The following METTL25 variants were observed in gnomAD, a reference collection of about 807,000 sequenced individuals.
METTL25 encodes probable methyltransferase-like protein 25.
A neutral mutation model predicts 71.6 loss-of-function variants in METTL25; 64 were observed. The ratio of observed to expected loss-of-function variants is 0.89; its 90% CI spans 0.73 to 1.10. The LOEUF is 1.10. METTL25 is among the 50% of genes least tolerant of loss of function. The pLI is 0.00. For synonymous variants in METTL25, 287 were observed against 250.3 expected (o/e 1.15, Z -1.38); for missense variants, 807 against 707.0 (o/e 1.14, Z -1.60).
rs919037121 is a variant in METTL25 at position 82,370,876 on chromosome 12, C to T, written c.259+12052C>T. ...CGCTTATGCTGCTGTTCTCCTCTCT[C>T]CTTCTTCTTTTTGATGGCTTCAGCT... On this transcript the variant is annotated intron_variant, in intron 1 of 11. Transcript: ENST00000248306. Among the ~76,000 whole-genome samples the T allele has an allele frequency of 9.9e-5, 15 of 152,262 alleles. No individual in the cohort carries two copies. In the South Asian group the frequency reaches 2.9e-3, roughly 29 times the overall value.
At chr12:82,398,310 T>C (rs896372952) in intron 3 of METTL25, among the ~76,000 whole-genome samples, 2 of 151,838 alleles carry the variant, frequency 1.3e-5, no homozygotes, top group Admixed American at 6.6e-5. Context: ...TCTCAAACTC[T>C]TGGCCTCAAG....
At chr12:82,407,206 A>G (rs1413663166) in intron 5 of METTL25, among the ~76,000 whole-genome samples, 2 of 152,124 alleles carry the variant, frequency 1.3e-5, no homozygotes, top group East Asian at 1.9e-4. Flanking sequence ...TAAGGAAATT[A>G]GTTGAAGAGA....
At chr12:82,438,308 T>C (rs1890066927) in intron 7 of METTL25, among the ~76,000 whole-genome samples, 1 of 151,674 alleles carries the variant, frequency 6.6e-6, no homozygotes, top group African/African-American at 2.4e-5. Flanking sequence ...TGTTATTATC[T>C]TTATTCCACC....
At chr12:82,392,486 A>C (rs1481079694) in intron 3 of METTL25, among the ~76,000 whole-genome samples, 1 of 151,912 alleles carries the variant, frequency 6.6e-6, no homozygotes, top group Non-Finnish European at 1.5e-5. Flanking sequence ...ATTTGCTTTT[A>C]TTCCATTGAG....
At position 82,478,994 on chromosome 12, in the gene METTL25, T is replaced by C; in HGVS notation, c.1782T>C (p.Tyr594=). Residue 594 remains tyrosine, a synonymous_variant, in exon 12 of 12, where the codon TAT becomes TAC. Coordinates refer to ENST00000248306, the MANE Select transcript of METTL25 (RefSeq NM_032230.3). ...ATCCCGTGAAATCTCCCAGATGTTA[T>C]GCTGTTATTGCCCTGAAGAAGCAGC... ...LFDPVKSPRC[Y]AVIALKKQQ The C allele has an allele frequency of 6.2e-7, 1 of 1,612,850 alleles. No homozygotes were observed. The highest frequency in any genetic ancestry group is 8.5e-7 in the Non-Finnish European group (1 of 1,179,092).
intron 1 of METTL25, among the ~76,000 whole-genome samples, chr12:82,369,887 G>A (rs1883023757): frequency 6.6e-6 from 1 of 152,146 alleles, no homozygotes; most frequent in South Asian, 2.1e-4. Context: ...GCTAGATACA[G>A]AGTGCTGATT....
intron 9 of METTL25, among the ~76,000 whole-genome samples, chr12:82,463,901 T>G (rs543990660): frequency 6.6e-6 from 1 of 152,136 alleles, no homozygotes; most frequent in South Asian, 2.1e-4. Flanking sequence ...GAAATATCAG[T>G]GCAGATTATT....
chr12:82,393,138 T>C (rs1178263159), intron 3 of METTL25, among the ~76,000 whole-genome samples: 1 of 152,034 alleles, frequency 6.6e-6, no homozygotes, highest in African/African-American at 2.4e-5. Context: ...ACATAAATTT[T>C]AGGATTTTTT....
chr12:82,474,329 G>C (rs1467531325), intron 9 of METTL25, among the ~76,000 whole-genome samples: 1 of 152,146 alleles, frequency 6.6e-6, no homozygotes, highest in Non-Finnish European at 1.5e-5. Flanking sequence ...AATCACCACA[G>C]GTGCATCTGC....
chr12:82,359,302 G>GC (rs55878307), intron 1 of METTL25, among the ~76,000 whole-genome samples: 151,774 of 152,280 alleles, frequency 1, 75,637 homozygotes, highest in Middle Eastern at 1. Context: ...GAAGGCACTA[G>GC]CTGCAGAGCC....
intron 11 of METTL25, among the ~76,000 whole-genome samples, 164 bp downstream of exon 11, chr12:82,477,516 T>C (rs1356313438): frequency 2.0e-5 from 3 of 151,798 alleles, no homozygotes; most frequent in African/African-American, 4.8e-5. Context: ...TTTAAACATA[T>C]AAACATATGT....
At position 82,437,708 on chromosome 12, in the gene METTL25, C is replaced by G. The variant is rs1272963836; in HGVS notation, c.1405-1010C>G. Among the ~76,000 whole-genome samples, 24 of 151,648 alleles carry G rather than the reference C, an allele frequency of 1.6e-4. No homozygotes were observed. The Admixed American group carries it at 1.6e-3, about 10-fold the overall frequency. ...TAATAAAAGTTACAAAAGGATAACTCCATGGATATACACGTTTTACTGAAT... is the reference window on the plus strand; with the variant it reads ...TAATAAAAGTTACAAAAGGATAACTGCATGGATATACACGTTTTACTGAAT... On this transcript the variant is annotated intron_variant, in intron 7 of 11. Transcript: ENST00000248306.
intron 1 of METTL25, among the ~76,000 whole-genome samples, chr12:82,359,147 A>G (rs781719866): frequency 3.3e-5 from 5 of 152,256 alleles, no homozygotes; most frequent in African/African-American, 7.2e-5. Flanking sequence ...CACAGGTTTT[A>G]TAAATGCCAG....
At chr12:82,391,238 C>T (rs1592636166) in intron 3 of METTL25, among the ~76,000 whole-genome samples, 1 of 151,902 alleles carries the variant, frequency 6.6e-6, no homozygotes, top group South Asian at 2.1e-4. Context: ...GAAACCAAGG[C>T]AAAGACCCAG....
chr12:82,409,568 G>A (rs1265123565), intron 5 of METTL25, among the ~76,000 whole-genome samples: 5 of 152,004 alleles, frequency 3.3e-5, no homozygotes, highest in African/African-American at 1.2e-4. Flanking sequence ...ATTTTGTTAA[G>A]GAATCATCAG....
At chr12:82,438,605 T>G in intron 7 of METTL25, 113 bp from the exon 8 acceptor site, 1 of 506,168 alleles carries the variant, frequency 2.0e-6, no homozygotes, top group Non-Finnish European at 3.2e-6. Flanking sequence ...AGTCATCCTC[T>G]GTGTTTAGCA....
chr12:82,475,446 A>G (rs901580793), intron 9 of METTL25, among the ~76,000 whole-genome samples: 1 of 152,144 alleles, frequency 6.6e-6, no homozygotes, highest in African/African-American at 2.4e-5. Flanking sequence ...AATGAGACAG[A>G]GCCTTACTTT....
intron 9 of METTL25, 97 bp downstream of exon 9, chr12:82,456,917 C>T (rs1446194951): frequency 1.1e-5 from 6 of 528,176 alleles, no homozygotes; most frequent in Non-Finnish European, 1.8e-5. Context: ...TTCTAATTTT[C>T]TCTCATTTGT....
intron 5 of METTL25, among the ~76,000 whole-genome samples, chr12:82,410,312 G>T (rs1402356137): frequency 6.6e-6 from 1 of 152,044 alleles, no homozygotes; most frequent in Non-Finnish European, 1.5e-5. Flanking sequence ...TAATGGCAAT[G>T]AATTAATCCT....
Sources: gnomAD v4.1 joint callset for allele counts (sites outside exome capture counted in the v4.1 genomes callset) on GRCh38, gnomAD v4.1.1 for gene constraint, MANE v1.5 for transcripts, NCBI Gene and HGNC (gene_info 2026-07-23, HGNC 2026-07-21) for gene names.